The following DAAM1 variants were observed in gnomAD, a reference collection of about 807,000 sequenced individuals.
DAAM1 encodes dishevelled associated activator of morphogenesis 1.
Under a neutral mutation model 130.0 loss-of-function variants are expected in DAAM1, and 52 were observed. That is an observed-to-expected ratio of 0.40 (90% CI 0.32 to 0.50). The LOEUF (loss-of-function observed/expected upper bound fraction) is 0.50. Among genes scored for constraint, DAAM1 ranks in the 20% least tolerant of loss-of-function variants. The pLI is 0.61. For synonymous variants in DAAM1, 452 were observed against 444.5 expected (o/e 1.02, Z -0.21); for missense variants, 1,134 against 1,303.8 (o/e 0.87, Z 2.01).
intron 16 of DAAM1, among the ~76,000 whole-genome samples, chr14:59,344,889 AC>A (rs1270583459): frequency 6.6e-6 from 1 of 152,128 alleles, no homozygotes; most frequent in Non-Finnish European, 1.5e-5. Flanking sequence ...AAACAGAAGG[AC>A]TCAGCAGAAC....
intron 1 of DAAM1, among the ~76,000 whole-genome samples, chr14:59,191,911 T>C (rs1869172987): frequency 6.6e-6 from 1 of 152,126 alleles, no homozygotes; most frequent in Admixed American, 6.5e-5. Context: ...TTCAGGCTGG[T>C]TGATGTGAAA....
chr14:59,324,425 A>G lies in DAAM1; in HGVS notation c.960A>G (p.Leu320=). ...MLGIQPVIDK[L]REHENSTLDR... ...GAATTCAACCTGTAATAGATAAATTAAGGGAACACGAAAATTCAACATTAG... is the reference window on the plus strand; with the variant it reads ...GAATTCAACCTGTAATAGATAAATTGAGGGAACACGAAAATTCAACATTAG... Residue 320 remains leucine, a synonymous_variant, in exon 8 of 25, where the codon TTA becomes TTG. Coordinates refer to ENST00000360909, the MANE Select transcript of DAAM1 (RefSeq NM_001270520.2). 6.3e-7 allele frequency: 1 copy of G among 1,593,686 alleles called. No individual in the cohort carries two copies. The highest frequency in any genetic ancestry group is 8.5e-7 in the Non-Finnish European group (1 of 1,170,200).
intron 1 of DAAM1, among the ~76,000 whole-genome samples, chr14:59,203,642 A>G (rs1417212834): frequency 6.6e-6 from 1 of 152,158 alleles, no homozygotes; most frequent in East Asian, 1.9e-4. Context: ...TTATAAAGAA[A>G]TTTTTGTTGT....
rs990127576 is a variant in DAAM1 at position 59,359,177 on chromosome 14, A to G, written c.2526-220A>G. 2.4e-5 allele frequency: 10 copies of G among 420,034 alleles called. No homozygotes were observed. The South Asian group carries it at 3.4e-4, about 14-fold the overall frequency. 26.0% of individuals were successfully genotyped at this position (420,034 alleles called of 1,614,324 possible). A position where few individuals can be genotyped will look rare whatever the true frequency, so the allele number is the denominator to read the frequency against. ...ATTGTGTGCTTTTTGACATATATCT[A>G]TGCAATCCCCATGGAGGCTCTCCCA... On this transcript the variant is annotated intron_variant, in intron 20 of 24. Coordinates refer to ENST00000360909, the MANE Select transcript of DAAM1 (RefSeq NM_001270520.2).
intron 1 of DAAM1, among the ~76,000 whole-genome samples, chr14:59,251,297 C>G (rs1881629584): frequency 6.6e-6 from 1 of 152,122 alleles, no homozygotes; most frequent in African/African-American, 2.4e-5. Context: ...GATCAAAGGG[C>G]CCGTGCATTA....
At chr14:59,208,293 T>A (rs1646288347) in intron 1 of DAAM1, among the ~76,000 whole-genome samples, 1 of 152,182 alleles carries the variant, frequency 6.6e-6, no homozygotes, top group Non-Finnish European at 1.5e-5. Context: ...CATGATGGAA[T>A]GGGAGATTTG....
At chr14:59,230,303 G>T (rs1594769349) in intron 1 of DAAM1, among the ~76,000 whole-genome samples, 1 of 136,348 alleles carries the variant, frequency 7.3e-6, no homozygotes, top group African/African-American at 2.7e-5. Context: ...ATGCTTAGAG[G>T]CTTTTTTTTT....
chr14:59,295,458 T>C (rs912025577), intron 3 of DAAM1, among the ~76,000 whole-genome samples: 3 of 152,218 alleles, frequency 2.0e-5, no homozygotes, highest in Non-Finnish European at 2.9e-5. Context: ...TAATTTGGTT[T>C]GTATACCCTG....
At chr14:59,261,177 G>A (rs921659292) in intron 1 of DAAM1, among the ~76,000 whole-genome samples, 1 of 152,006 alleles carries the variant, frequency 6.6e-6, no homozygotes, top group Non-Finnish European at 1.5e-5. Flanking sequence ...TGCTTGTACT[G>A]TTCCCTCTGC....
intron 2 of DAAM1, among the ~76,000 whole-genome samples, chr14:59,271,819 ATTT>A (rs1418698920): frequency 6.6e-6 from 1 of 152,214 alleles, no homozygotes; most frequent in African/African-American, 2.4e-5. Context: ...AAGTTTCAAC[ATTT>A]TTTATCTCTT....
chr14:59,193,054 AAACAAC>A (rs34240731), intron 1 of DAAM1, among the ~76,000 whole-genome samples: 37 of 151,760 alleles, frequency 2.4e-4, no homozygotes, highest in African/African-American at 8.2e-4. Flanking sequence ...CTCCGTCTCA[AAACAAC>A]AACAACAACA....
chr14:59,360,718 C>G (rs1159998842), intron 21 of DAAM1, 84 bp from the exon 22 acceptor site: 6 of 1,182,366 alleles, frequency 5.1e-6, no homozygotes, highest in African/African-American at 3.1e-5. Context: ...GGATGGACTT[C>G]CAAGCGTGAA....
At chr14:59,269,169 G>T (rs1037259605) in intron 2 of DAAM1, among the ~76,000 whole-genome samples, 1 of 152,214 alleles carries the variant, frequency 6.6e-6, no homozygotes, top group Non-Finnish European at 1.5e-5. Context: ...AGAAAAGACA[G>T]GCAACTAAAT....
intron 16 of DAAM1, among the ~76,000 whole-genome samples, chr14:59,346,482 C>T (rs536519565): frequency 8.1e-4 from 123 of 152,266 alleles, no homozygotes; most frequent in African/African-American, 2.5e-3. Context: ...TAAAATAAGT[C>T]TAGACCAGGC....
chr14:59,238,901 G>T (rs567084892), intron 1 of DAAM1, among the ~76,000 whole-genome samples: 1 of 152,168 alleles, frequency 6.6e-6, no homozygotes, highest in African/African-American at 2.4e-5. Flanking sequence ...CAGAGAAGGA[G>T]CCTAAGGCTA....
Position 59,368,755 on chromosome 14 carries a change from G to GTGTT in DAAM1, c.3106_3109dup (p.Asp1037ValfsTer2). 6.2e-7 allele frequency: 1 copy of GTGTT among 1,614,034 alleles called. No homozygotes were observed. Among genetic ancestry groups the GTGTT allele is most frequent in the Non-Finnish European group, 8.5e-7 (1 of 1,179,952 alleles). ...TGTTTCAGCTTTACGCTCAGGAGAAGTGTTTGACAAAGACCTTTCTAAATT... is the reference window on the plus strand; with the variant it reads ...TGTTTCAGCTTTACGCTCAGGAGAAGTGTTTGTTTGACAAAGACCTTTCTAAATT... On this transcript the variant is annotated frameshift_variant, in exon 25 of 25. Coordinates refer to ENST00000360909, the MANE Select transcript of DAAM1 (RefSeq NM_001270520.2). LOFTEE classifies it high-confidence loss of function.
intron 4 of DAAM1, 24 bp downstream of exon 4, chr14:59,315,375 G>C (rs767905577): frequency 9.3e-6 from 15 of 1,608,106 alleles, no homozygotes; most frequent in Non-Finnish European, 1.3e-5. Context: ...TATGTTCTTT[G>C]ACACACTGTT....
intron 2 of DAAM1, among the ~76,000 whole-genome samples, chr14:59,268,420 C>T (rs758722807): frequency 5.3e-5 from 8 of 152,176 alleles, no homozygotes; most frequent in African/African-American, 1.9e-4. Context: ...AACTTTCAGA[C>T]TGTTTCAAAA....
intron 1 of DAAM1, among the ~76,000 whole-genome samples, chr14:59,240,667 A>G (rs1400687412): frequency 1.3e-5 from 2 of 151,992 alleles, no homozygotes; most frequent in Non-Finnish European, 2.9e-5. Flanking sequence ...AATTTCTGGT[A>G]TTATATGGTG....
Sources: allele counts gnomAD v4.1 joint callset (sites outside exome capture counted in the v4.1 genomes callset), GRCh38; gene constraint gnomAD v4.1.1; transcripts MANE v1.5; gene names NCBI Gene and HGNC (gene_info 2026-07-23, HGNC 2026-07-21).